The following RUNX2 variants were observed in gnomAD, a reference collection of about 807,000 sequenced individuals.
RUNX2 encodes RUNX family transcription factor 2.
In RUNX2, 10 loss-of-function variants were observed where a neutral mutation model predicts 51.7. The ratio of observed to expected loss-of-function variants is 0.19; its 90% CI spans 0.12 to 0.33. RUNX2 has a LOEUF of 0.33. Ranked by LOEUF, RUNX2 falls within the 10% of genes least tolerant of loss-of-function variation. The probability of loss-of-function intolerance (pLI) is 1.00; values close to 1 mark genes in which losing one functional copy is unlikely to be tolerated. For synonymous variants in RUNX2, 276 were observed against 273.6 expected (o/e 1.01, Z -0.09); for missense variants, 562 against 691.3 (o/e 0.81, Z 2.10).
intron 7 of RUNX2, among the ~76,000 whole-genome samples, chr6:45,533,784 A>G (rs2150441266): frequency 6.6e-6 from 1 of 152,222 alleles, no homozygotes; most frequent in East Asian, 1.9e-4. Flanking sequence ...CTGGATATAA[A>G]CATCCAGTGC....
At chr6:45,352,221 T>C (rs1044831695) in intron 2 of RUNX2, among the ~76,000 whole-genome samples, 1 of 152,138 alleles carries the variant, frequency 6.6e-6, no homozygotes, top group Non-Finnish European at 1.5e-5. Context: ...CAAATAACCT[T>C]TGATCGTCTA....
rs551081348 is a variant in RUNX2, at chr6:45,458,933, C to T, written c.685+20882C>T. On this transcript the variant is annotated intron_variant, in intron 5 of 8. Coordinates refer to ENST00000647337, the MANE Select transcript of RUNX2 (RefSeq NM_001024630.4). The stretch of plus-strand genomic sequence containing the variant: ...TGGAAAAAACTTGCCAACAGAAATG[C>T]GTAGCTGTATTCTCTGTTTCTAAAA... Among the ~76,000 whole-genome samples the T allele has an allele frequency of 2.0e-4, 30 of 152,316 alleles. No individual in the cohort carries two copies. In the East Asian group the frequency reaches 5.0e-3, roughly 25 times the overall value.
In RUNX2 at chr6:45,461,217, A is replaced by G. The variant is rs150426687; in HGVS notation, c.685+23166A>G. Among the ~76,000 whole-genome samples, 348 of 152,324 alleles carry G rather than the reference A, an allele frequency of 2.3e-3. 2 individuals are homozygous for G. The highest frequency in any genetic ancestry group is 7.9e-3 in the African/African-American group (327 of 41,570). ...TATTCAGAAAAGTCTCAGTTAATGG[A>G]GCAGGCAGTAGGGTGGCCTCATGAA... On this transcript the variant is annotated intron_variant, in intron 5 of 8. Coordinates refer to ENST00000647337, the MANE Select transcript of RUNX2 (RefSeq NM_001024630.4).
intron 2 of RUNX2, among the ~76,000 whole-genome samples, chr6:45,330,506 TA>T (rs1183282651): frequency 1.3e-5 from 2 of 151,942 alleles, no homozygotes; most frequent in Admixed American, 1.3e-4. Flanking sequence ...AAACACATTT[TA>T]AAAACCAGAT....
rs570259971 is a variant in RUNX2, at chr6:45,513,231, AC to A, written c.1021+826del. On this transcript the variant is annotated intron_variant, in intron 7 of 8. Coordinates refer to ENST00000647337, the MANE Select transcript of RUNX2 (RefSeq NM_001024630.4). ...ATGAGTCCCATGAATAAGAAAAGAAACCTCTTGGTCCACCCTGACATATGAA... is the reference window on the plus strand; with the variant it reads ...ATGAGTCCCATGAATAAGAAAAGAAACTCTTGGTCCACCCTGACATATGAA... Among the ~76,000 whole-genome samples, 360 of 144,116 alleles carry A rather than the reference AC, an allele frequency of 2.5e-3. 1 individual carries two copies. Among genetic ancestry groups the A allele is most frequent in the African/African-American group, 8.0e-3 (331 of 41,256 alleles). 94.5% of individuals were successfully genotyped at this position (144,116 alleles called of 152,430 possible). A position where few individuals can be genotyped will look rare whatever the true frequency, so the allele number is the denominator to read the frequency against.
At chr6:45,479,767 A>G (rs919101758) in intron 5 of RUNX2, among the ~76,000 whole-genome samples, 8 of 152,218 alleles carry the variant, frequency 5.3e-5, no homozygotes, top group African/African-American at 1.9e-4. Context: ...TAATCGCTCG[A>G]AGGATGTTTT....
chr6:45,381,869 GA>G (rs149012580), intron 2 of RUNX2, among the ~76,000 whole-genome samples: 1 of 152,240 alleles, frequency 6.6e-6, no homozygotes, highest in Non-Finnish European at 1.5e-5. Context: ...CATTCATAAG[GA>G]AAAGCAGTAC....
At chr6:45,478,781 C>G (rs778485925) in intron 5 of RUNX2, among the ~76,000 whole-genome samples, 1 of 152,200 alleles carries the variant, frequency 6.6e-6, no homozygotes, top group Non-Finnish European at 1.5e-5. Context: ...GAAGTTCACA[C>G]TTGCTATTAG....
At chr6:45,481,302 A>G (rs1464222117) in intron 5 of RUNX2, among the ~76,000 whole-genome samples, 1 of 152,184 alleles carries the variant, frequency 6.6e-6, no homozygotes, top group Non-Finnish European at 1.5e-5. Context: ...GCAAATAAAC[A>G]GTGATGCTTT....
intron 5 of RUNX2, among the ~76,000 whole-genome samples, chr6:45,473,856 T>C (rs114981045): frequency 0.011 from 1,702 of 152,338 alleles, 19 homozygotes; most frequent in Non-Finnish European, 0.017. Context: ...GGAATGAATG[T>C]CAAGTTTTCT....
At chr6:45,331,184 A>G (rs1273357581) in intron 2 of RUNX2, among the ~76,000 whole-genome samples, 1 of 151,930 alleles carries the variant, frequency 6.6e-6, no homozygotes, top group African/African-American at 2.4e-5. Flanking sequence ...ATCTCTCAGC[A>G]TACTTCACTT....
chr6:45,350,074 A>G (rs1791703178), intron 2 of RUNX2, among the ~76,000 whole-genome samples: 3 of 152,228 alleles, frequency 2.0e-5, no homozygotes, highest in Admixed American at 1.3e-4. Flanking sequence ...TTTTATACAC[A>G]AAACTATAAA....
At chr6:45,537,290 C>T (rs552923412) in intron 7 of RUNX2, among the ~76,000 whole-genome samples, 1 of 152,290 alleles carries the variant, frequency 6.6e-6, no homozygotes, top group South Asian at 2.1e-4. Context: ...GAACACTTTT[C>T]ATCATTGCCC....
At chr6:45,515,892 A>G (rs1432591246) in intron 7 of RUNX2, among the ~76,000 whole-genome samples, 1 of 152,192 alleles carries the variant, frequency 6.6e-6, no homozygotes, top group African/African-American at 2.4e-5. Context: ...TCATAGGAAT[A>G]GAAACAACCA....
intron 7 of RUNX2, among the ~76,000 whole-genome samples, chr6:45,538,273 T>A (rs1308990824): frequency 2.6e-5 from 4 of 152,332 alleles, no homozygotes; most frequent in East Asian, 3.9e-4. Context: ...TTGCAATTTT[T>A]AAAATAATCT....
At chr6:45,507,949 A>C (rs191772390) in intron 6 of RUNX2, among the ~76,000 whole-genome samples, 2 of 152,300 alleles carry the variant, frequency 1.3e-5, no homozygotes, top group Admixed American at 6.5e-5. Flanking sequence ...ATCTCATTTA[A>C]TCATCAGACA....
chr6:45,458,625 C>T (rs1330126172), intron 5 of RUNX2, among the ~76,000 whole-genome samples: 1 of 152,076 alleles, frequency 6.6e-6, no homozygotes, highest in East Asian at 1.9e-4. Flanking sequence ...ATTATTTTTC[C>T]TCTCTGGTAT....
intron 2 of RUNX2, among the ~76,000 whole-genome samples, chr6:45,399,771 G>T (rs1381611247): frequency 7.6e-6 from 1 of 131,896 alleles, no homozygotes; most frequent in East Asian, 1.9e-4. Flanking sequence ...AGGAAGGAAG[G>T]AGGGAGGGAG....
intron 2 of RUNX2, among the ~76,000 whole-genome samples, chr6:45,361,089 T>C (rs974708812): frequency 4.6e-5 from 7 of 152,084 alleles, no homozygotes; most frequent in African/African-American, 1.4e-4. Flanking sequence ...CCTGGCAACA[T>C]AGAGACCCCA....
Sources: gnomAD v4.1 joint callset for allele counts (sites outside exome capture counted in the v4.1 genomes callset) on GRCh38, gnomAD v4.1.1 for gene constraint, MANE v1.5 for transcripts, NCBI Gene and HGNC (gene_info 2026-07-23, HGNC 2026-07-21) for gene names.